LEMD1: variants seen among roughly 807,000 people sequenced by gnomAD.
LEMD1 encodes the protein LEM domain containing 1, also known as LEM domain-containing protein 1.
In LEMD1, 18 loss-of-function variants were observed where a neutral mutation model predicts 17.4. The observed-to-expected ratio is 1.04, with a 90% CI of 0.72 to 1.54. The LOEUF (loss-of-function observed/expected upper bound fraction) is 1.54. Ranked by LOEUF, LEMD1 falls within the 40% of genes most tolerant of loss-of-function variation. The probability of loss-of-function intolerance (pLI) is 0.00; values close to 1 mark genes in which losing one functional copy is unlikely to be tolerated. For missense variants in LEMD1, 195 were observed against 210.4 expected (o/e 0.93, Z 0.45); for synonymous variants, 88 against 77.8 (o/e 1.13, Z -0.69).
intron 4 of LEMD1, among the ~76,000 whole-genome samples, chr1:205,403,407 ACTT>A (rs1664944584): frequency 6.6e-6 from 1 of 152,114 alleles, no homozygotes; most frequent in Admixed American, 6.6e-5. Flanking sequence ...CAGAGATTCA[ACTT>A]CTTCCTGGTT....
At chr1:205,420,070 C>T (rs536870039) in intron 2 of LEMD1, among the ~76,000 whole-genome samples, 1 of 152,298 alleles carries the variant, frequency 6.6e-6, no homozygotes, top group South Asian at 2.1e-4. Flanking sequence ...GTAATTCCAG[C>T]ACTTTGGGAG....
chr1:205,429,808 T>C (rs1174368166), intron 1 of LEMD1, among the ~76,000 whole-genome samples: 3 of 151,984 alleles, frequency 2.0e-5, no homozygotes, highest in African/African-American at 7.3e-5. Context: ...GGGACAGGCA[T>C]TTGGGGTCAT....
At chr1:205,424,569 G>A (rs902957982), upstream of LEMD1, among the ~76,000 whole-genome samples, 17 of 152,166 alleles carry the variant, frequency 1.1e-4, no homozygotes, top group Non-Finnish European at 2.5e-4. Flanking sequence ...GAAACAAATA[G>A]CTACAAAAAA....
chr1:205,425,740 G>C (rs1277047432), upstream of LEMD1, among the ~76,000 whole-genome samples: 1 of 152,102 alleles, frequency 6.6e-6, no homozygotes, highest in Non-Finnish European at 1.5e-5. Flanking sequence ...GCATGAACAA[G>C]GTTGACAGAG....
At chr1:205,397,538 C>T (rs1664648428) in intron 4 of LEMD1, among the ~76,000 whole-genome samples, 2 of 152,274 alleles carry the variant, frequency 1.3e-5, no homozygotes, top group South Asian at 4.2e-4. Context: ...CTATGGAGAG[C>T]TATGATCACA....
At chr1:205,413,538 C>T (rs545122898) in intron 4 of LEMD1, among the ~76,000 whole-genome samples, 1 of 151,400 alleles carries the variant, frequency 6.6e-6, no homozygotes, top group South Asian at 2.1e-4. Context: ...AGCCTCCTAC[C>T]TCAGCCTCCT....
intron 4 of LEMD1, among the ~76,000 whole-genome samples, chr1:205,406,800 C>T (rs567607241): frequency 7.9e-5 from 12 of 152,340 alleles, no homozygotes; most frequent in Admixed American, 7.2e-4. Flanking sequence ...TCTTCTGTGT[C>T]GCTCACGCTG....
upstream of LEMD1, among the ~76,000 whole-genome samples, chr1:205,426,460 C>T (rs1666056228): frequency 6.6e-6 from 1 of 152,176 alleles, no homozygotes; most frequent in East Asian, 1.9e-4. Context: ...CAAAGAAGGT[C>T]AGAAACAGAG....
At chr1:205,426,360 A>G (rs942530545), upstream of LEMD1, among the ~76,000 whole-genome samples, 12 of 152,372 alleles carry the variant, frequency 7.9e-5, no homozygotes, top group Middle Eastern at 3.4e-3. Context: ...ATTACATTCT[A>G]AATGGAGAAA....
chr1:205,397,479 C>G (rs966963829), intron 4 of LEMD1, among the ~76,000 whole-genome samples: 5 of 152,188 alleles, frequency 3.3e-5, no homozygotes, highest in African/African-American at 1.2e-4. Flanking sequence ...TGTGGTGGCA[C>G]ACACCTGTAG....
chr1:205,419,021 C>T lies in LEMD1; in HGVS notation c.205+209G>A, dbSNP rs139541037. 5.9e-3 allele frequency among the ~76,000 whole-genome samples: 901 copies of T among 152,338 alleles called. 3 individuals carry two copies. Among genetic ancestry groups the T allele is most frequent in the South Asian group, 0.031 (152 of 4,828 alleles). On this transcript the variant is annotated intron_variant, in intron 3 of 5. Transcript: ENST00000367153. ...GAGCAGTCATTCCCCCAACTTTCCA[C>T]CCAGTTAAGTCACTGGCGTGAATAC...
chr1:205,425,943 C>T (rs929324606), upstream of LEMD1, among the ~76,000 whole-genome samples: 4 of 151,716 alleles, frequency 2.6e-5, no homozygotes, highest in Admixed American at 6.6e-5. Context: ...TATGATACTC[C>T]AGTTCCAAGG....
upstream of LEMD1, among the ~76,000 whole-genome samples, chr1:205,425,994 G>A (rs189265904): frequency 9.9e-5 from 15 of 152,242 alleles, no homozygotes; most frequent in African/African-American, 2.4e-4. Flanking sequence ...AGGGGTGGGG[G>A]ACACAGAGCA....
At chr1:205,427,087 C>T (rs1476302843) in intron 1 of LEMD1, among the ~76,000 whole-genome samples, 2 of 152,026 alleles carry the variant, frequency 1.3e-5, no homozygotes, top group Non-Finnish European at 1.5e-5. Flanking sequence ...CTGGTTGTAT[C>T]CTGGATTTTT....
upstream of LEMD1, among the ~76,000 whole-genome samples, chr1:205,424,970 G>T (rs1471451731): frequency 1.3e-5 from 2 of 152,206 alleles, no homozygotes; most frequent in African/African-American, 4.8e-5. Flanking sequence ...CCATTTGGGG[G>T]AGGACTAGAG....
chr1:205,400,385 C>T (rs1326310632), intron 4 of LEMD1, among the ~76,000 whole-genome samples: 1 of 152,170 alleles, frequency 6.6e-6, no homozygotes, highest in Admixed American at 6.5e-5. Context: ...CCAACTTTTC[C>T]AGGTAATTAA....
chr1:205,416,913 A>G (rs940251710), intron 3 of LEMD1, among the ~76,000 whole-genome samples: 4 of 152,184 alleles, frequency 2.6e-5, no homozygotes, highest in Non-Finnish European at 4.4e-5. Flanking sequence ...GTTAGTGAAA[A>G]TGAGAAAAAT....
intron 1 of LEMD1, among the ~76,000 whole-genome samples, chr1:205,427,948 G>T (rs1666078798): frequency 6.6e-6 from 1 of 152,138 alleles, no homozygotes; most frequent in South Asian, 2.1e-4. Context: ...ACGGTTCCTG[G>T]TACTAAGGAG....
intron 4 of LEMD1, among the ~76,000 whole-genome samples, chr1:205,408,454 G>A (rs552753376): frequency 7.2e-5 from 11 of 151,922 alleles, no homozygotes; most frequent in African/African-American, 2.4e-4. Flanking sequence ...AAAATATTTC[G>A]AGAGGTGTGG....
Sources: gnomAD v4.1 joint callset for allele counts (sites outside exome capture counted in the v4.1 genomes callset) on GRCh38, gnomAD v4.1.1 for gene constraint, MANE v1.5 for transcripts, NCBI Gene and HGNC (gene_info 2026-07-23, HGNC 2026-07-21) for gene names.